COPE: variants seen among roughly 807,000 people sequenced by gnomAD.
The protein encoded by COPE is coat protein complex I subunit epsilon.
A neutral mutation model predicts 42.1 loss-of-function variants in COPE; 19 were observed. That is an observed-to-expected ratio of 0.45 (90% confidence interval 0.31 to 0.66). The LOEUF is 0.66. COPE is among the 30% of genes least tolerant of loss of function. The pLI is 0.05. For missense variants in COPE, 402 were observed against 416.1 expected (o/e 0.97, Z 0.30); for synonymous variants, 195 against 181.3 (o/e 1.08, Z -0.60).
chr19:18,901,953 G>T (rs945901330), intron 7 of COPE, among the ~76,000 whole-genome samples: 1 of 152,100 alleles, frequency 6.6e-6, no homozygotes, highest in South Asian at 2.1e-4. Context: ...TCCAAGGTGG[G>T]CAGCATCATG....
chr19:18,907,018 G>A lies in COPE; in HGVS notation c.385C>T (p.His129Tyr), dbSNP rs1455367030. The change falls in exon 4 of 10, where the codon CAC becomes TAC. Residue 129 changes from histidine to tyrosine, a missense_variant. Physicochemically the swap from His to Tyr is moderately conservative, Grantham distance 83. Transcript: ENST00000262812. ...AGGGCGGCATCCGGGTTCTGGTCGTGGAGATAGATGGAGGCGGCCATGAGC... is the reference window on the plus strand; with the variant it reads ...AGGGCGGCATCCGGGTTCTGGTCGTAGAGATAGATGGAGGCGGCCATGAGC... ...FLLMAASIYLHDQNPDAALRA... is the reference protein window; with the variant it reads ...FLLMAASIYLYDQNPDAALRA... 1.9e-6 allele frequency: 3 copies of A among 1,596,352 alleles called. No homozygotes were observed. The highest frequency in any genetic ancestry group is 1.1e-5 in the South Asian group (1 of 88,450).
intron 7 of COPE, among the ~76,000 whole-genome samples, chr19:18,901,706 G>C (rs2146097975): frequency 6.6e-6 from 1 of 152,352 alleles, no homozygotes; most frequent in South Asian, 2.1e-4. Context: ...AGGAGGGTGA[G>C]AATTGTTTGA....
chr19:18,911,377 G>T (rs986668891), intron 2 of COPE: 2 of 385,610 alleles, frequency 5.2e-6, no homozygotes, highest in Non-Finnish European at 9.8e-6. Context: ...GTGTCACCTG[G>T]GGGCAGGGCA....
chr19:18,912,011 T>C (rs2056815281), intron 2 of COPE, among the ~76,000 whole-genome samples: 2 of 151,986 alleles, frequency 1.3e-5, no homozygotes, highest in South Asian at 2.1e-4. Context: ...CCACCACACC[T>C]GGCTAATTCT....
intron 4 of COPE, chr19:18,906,346 T>A (rs994909826): frequency 5.6e-6 from 1 of 177,174 alleles, no homozygotes; most frequent in African/African-American, 2.4e-5. Flanking sequence ...CATGTCACCA[T>A]GCCTGGCTCG....
chr19:18,904,965 T>A, intron 5 of COPE, 113 bp from the exon 6 acceptor site: 1 of 1,027,290 alleles, frequency 9.7e-7, no homozygotes, highest in Non-Finnish European at 1.5e-6. Flanking sequence ...CCCTGCTTTG[T>A]GCTCCACTGC....
chr19:18,909,592 C>A (rs571154089), intron 3 of COPE, among the ~76,000 whole-genome samples: 1 of 151,072 alleles, frequency 6.6e-6, no homozygotes, highest in South Asian at 2.1e-4. Flanking sequence ...GATCTTGGCT[C>A]ACTGCAACCT....
intron 3 of COPE, among the ~76,000 whole-genome samples, chr19:18,908,641 C>T (rs950227975): frequency 6.6e-6 from 1 of 151,404 alleles, no homozygotes; most frequent in Admixed American, 6.6e-5. Context: ...CTCAGCCTCC[C>T]GAGTAGCTGG....
rs755811596 is a variant in COPE at position 18,907,136 on chromosome 19, C to T, written c.291-24G>A. 21 of 1,605,122 alleles carry T rather than the reference C, an allele frequency of 1.3e-5. No homozygotes were observed. In the East Asian group the frequency reaches 4.7e-4, roughly 36 times the overall value. ...CCCTGCAAGACAGAGATGCTCACGA[C>T]CCACAGCTGGGGTGGCCTCTGTGGG... is the stretch of plus-strand genomic sequence containing the variant. On this transcript the variant is annotated intron_variant, in intron 3 of 9. Coordinates refer to ENST00000262812, the MANE Select transcript of COPE (RefSeq NM_007263.4).
chr19:18,904,693 C>T (rs1242971239), intron 6 of COPE, 78 bp downstream of exon 6: 26 of 1,300,854 alleles, frequency 2.0e-5, no homozygotes, highest in East Asian at 1.5e-4. Context: ...CAGCAGCCTA[C>T]GCACAGGTGG....
chr19:18,902,765 AAGGG>A (rs1568314775), intron 7 of COPE, among the ~76,000 whole-genome samples: 14 of 46,422 alleles, frequency 3.0e-4, no homozygotes, highest in Non-Finnish European at 3.2e-4. Flanking sequence ...GGAAGGAAGG[AAGGG>A]AAAGAAGGAA....
chr19:18,903,504 G>C (rs1251695499), intron 6 of COPE, 81 bp from the exon 7 acceptor site: 12 of 1,481,200 alleles, frequency 8.1e-6, no homozygotes, highest in South Asian at 4.0e-5. Flanking sequence ...TAGCGGGGGG[G>C]ACTCCAGCAC....
At chr19:18,915,278 G>A (rs577856890) in intron 1 of COPE, among the ~76,000 whole-genome samples, 2 of 152,338 alleles carry the variant, frequency 1.3e-5, no homozygotes, top group East Asian at 3.9e-4. Context: ...ACAGTGGGGC[G>A]CCATCGGGGG....
In COPE at chr19:18,903,429, G is replaced by A; in HGVS notation, c.580-6C>T. On this transcript the variant is annotated splice_polypyrimidine_tract_variant and splice_region_variant and intron_variant, in intron 6 of 9. Transcript: ENST00000262812. The stretch of plus-strand genomic sequence containing the variant: ...TCCTGCAGCTTCTCACCACCCTGCA[G>A]GGAGGGTCCCGCATCATTGCCTGTG... 6 of 1,603,866 alleles carry A rather than the reference G, an allele frequency of 3.7e-6. No individual in the cohort carries two copies. Among genetic ancestry groups the A allele is most frequent in the Non-Finnish European group, 5.1e-6 (6 of 1,174,532 alleles).
chr19:18,908,929 T>TAAGC (rs2056785636), intron 3 of COPE, among the ~76,000 whole-genome samples: 1 of 152,034 alleles, frequency 6.6e-6, no homozygotes, highest in Non-Finnish European at 1.5e-5. Context: ...GCCTGGGAGA[T>TAAGC]CAAGGCTGCA....
chr19:18,906,406 C>T (rs1337502504), intron 4 of COPE, among the ~76,000 whole-genome samples: 1 of 152,234 alleles, frequency 6.6e-6, no homozygotes, highest in African/African-American at 2.4e-5. Context: ...GGAGCAGATC[C>T]ACAGCGACCA....
chr19:18,911,118 T>C (rs762617460), intron 2 of COPE, 47 bp from the exon 3 acceptor site: 1 of 1,540,820 alleles, frequency 6.5e-7, no homozygotes, highest in Admixed American at 1.7e-5. Context: ...CCCCAGAGGA[T>C]TTCCATGTCT....
At chr19:18,904,682 C>T (rs78590319) in intron 6 of COPE, 89 bp downstream of exon 6, 91,069 of 1,174,764 alleles carry the variant, frequency 0.078, 3,818 homozygotes, top group Middle Eastern at 0.12. Flanking sequence ...ACTGGAGTGG[C>T]CAGCAGCCTA....
At chr19:18,908,443 C>G (rs2056780332) in intron 3 of COPE, among the ~76,000 whole-genome samples, 2 of 151,736 alleles carry the variant, frequency 1.3e-5, no homozygotes, top group African/African-American at 4.8e-5. Context: ...GCAACAGCAA[C>G]AAAATCAATT....
Sources: allele counts gnomAD v4.1 joint callset (sites outside exome capture counted in the v4.1 genomes callset), GRCh38; gene constraint gnomAD v4.1.1; transcripts MANE v1.5; gene names NCBI Gene and HGNC (gene_info 2026-07-23, HGNC 2026-07-21).